Variants in KCTD2 observed in about 807,000 individuals in gnomAD.
KCTD2 encodes potassium channel tetramerization domain containing 2.
Under a neutral mutation model 27.9 loss-of-function variants are expected in KCTD2, and 18 were observed. The ratio of observed to expected loss-of-function variants is 0.64; its 90% CI spans 0.45 to 0.96. The LOEUF is 0.96. KCTD2 is among the 40% of genes least tolerant of loss of function. The pLI is 0.00. For synonymous variants in KCTD2, 175 were observed against 148.4 expected, an observed-to-expected ratio of 1.18 and a Z score of -1.30; for missense variants, 280 against 348.0, an observed-to-expected ratio of 0.80 and a Z score of 1.56.
chr17:75,039,764 C>A, intron 3 of KCTD2: 1 of 325,090 alleles, frequency 3.1e-6, no homozygotes. Flanking sequence ...ATTTAAAGAA[C>A]ACCATTTGAT....
upstream of KCTD2, chr17:75,042,777 G>A: frequency 9.2e-7 from 1 of 1,084,558 alleles, no homozygotes; most frequent in Non-Finnish European, 1.3e-6. Flanking sequence ...TTAGAAACAT[G>A]CAAGTCTTCA....
intron 3 of KCTD2, 38 bp from the exon 4 acceptor site, chr17:75,059,472 C>T (rs749032087): frequency 2.0e-6 from 3 of 1,470,894 alleles, no homozygotes; most frequent in African/African-American, 2.8e-5. Context: ...ACTGTGGTGT[C>T]CTTGGTGCTG....
At chr17:75,054,144 A>G (rs933825451) in intron 3 of KCTD2, among the ~76,000 whole-genome samples, 1 of 151,242 alleles carries the variant, frequency 6.6e-6, no homozygotes, top group Non-Finnish European at 1.5e-5. Flanking sequence ...CAGCCTACCG[A>G]GTAGCTGGGA....
chr17:75,040,246 G>A (rs898058872), intron 3 of KCTD2: 2 of 1,527,386 alleles, frequency 1.3e-6, no homozygotes, highest in African/African-American at 1.4e-5. Flanking sequence ...ACACCCAGGA[G>A]CTCAAAGGGC....
chr17:75,044,960 A>C (rs1466681), upstream of KCTD2, among the ~76,000 whole-genome samples: 20,169 of 152,212 alleles, frequency 0.13, 2,050 homozygotes, highest in East Asian at 0.57. Flanking sequence ...TAAAGTTACC[A>C]GGGAACCAAG....
At chr17:75,051,264 C>T (rs1345640051) in intron 2 of KCTD2, among the ~76,000 whole-genome samples, 2 of 147,896 alleles carry the variant, frequency 1.4e-5, no homozygotes, top group East Asian at 2.1e-4. Context: ...AGACATGAGC[C>T]ACCGCGCCCG....
chr17:75,055,780 C>T lies in KCTD2; in HGVS notation c.540+2675C>T, dbSNP rs1043083027. 4.0e-5 allele frequency among the ~76,000 whole-genome samples: 6 copies of T among 148,822 alleles called. No individual in the cohort carries two copies. The East Asian group carries it at 7.9e-4, about 20-fold the overall frequency. ...CCGGGAGGAGGAGGTTGTGGTGAGC[C>T]GAGATCACGCCATTGCACTCCAGCC... On this transcript the variant is annotated intron_variant, in intron 3 of 5. Transcript: ENST00000322444.
In KCTD2 at chr17:75,062,234, G is replaced by A. The variant is rs372096724; in HGVS notation, c.751G>A (p.Glu251Lys). 21 of 1,612,112 alleles carry A rather than the reference G, an allele frequency of 1.3e-5. No individual in the cohort carries two copies. The highest frequency in any genetic ancestry group is 4.0e-5 in the African/African-American group (3 of 74,808). ...STNGIVIEPS[E>K]KAKILQERGS... is the part of the protein sequence containing the mutation. Reference sequence around the variant, plus strand: ...CAATGGCATCGTCATAGAGCCGAGCGAAAAGGCGAAGGTAAGGAGCCCCTT... The same window carrying A: ...CAATGGCATCGTCATAGAGCCGAGCAAAAAGGCGAAGGTAAGGAGCCCCTT... The change falls in exon 5 of 6, where the codon GAA becomes AAA. Residue 251 changes from glutamate (E) to lysine (K), a missense_variant. Transcript: ENST00000322444.
chr17:75,054,490 A>G (rs1447281931), intron 3 of KCTD2, among the ~76,000 whole-genome samples: 3 of 152,140 alleles, frequency 2.0e-5, no homozygotes, highest in Non-Finnish European at 2.9e-5. Context: ...TCTGTAAGTA[A>G]TTGAAAGTCC....
At chr17:75,048,758 G>A (rs2073254807) in intron 1 of KCTD2, 1 of 153,856 alleles carries the variant, frequency 6.5e-6, no homozygotes, top group African/African-American at 2.4e-5. Context: ...TTGAGCTCAG[G>A]AGCATTGCCA....
chr17:75,060,664 C>A (rs932324486), intron 4 of KCTD2: 2 of 1,495,422 alleles, frequency 1.3e-6, no homozygotes, highest in East Asian at 2.5e-5. Flanking sequence ...GGAGGGCGCG[C>A]GTGCGAGGGC....
intron 3 of KCTD2, among the ~76,000 whole-genome samples, chr17:75,038,203 C>T (rs1049598958): frequency 2.6e-5 from 4 of 152,016 alleles, no homozygotes; most frequent in East Asian, 1.9e-4. Flanking sequence ...TCACTGCAAC[C>T]TCTGCCTCCC....
chr17:75,042,234 A>C, upstream of KCTD2: 1 of 1,614,242 alleles, frequency 6.2e-7, no homozygotes, highest in Non-Finnish European at 8.5e-7. Context: ...GCCTTGTAGT[A>C]AGCCCAGTCG....
At chr17:75,040,835 G>C (rs2073152202) in intron 3 of KCTD2, 1 of 150,922 alleles carries the variant, frequency 6.6e-6, no homozygotes, top group African/African-American at 2.4e-5. Flanking sequence ...GCAGTGAGCT[G>C]AGATGGCCCC....
intron 3 of KCTD2, chr17:75,039,039 G>A (rs1224974508): frequency 6.2e-7 from 1 of 1,613,992 alleles, no homozygotes; most frequent in Non-Finnish European, 8.5e-7. Context: ...TGATCAAATG[G>A]AATTAAGTTC....
intron 3 of KCTD2, chr17:75,039,851 C>T (rs559243791): frequency 3.8e-6 from 2 of 521,430 alleles, no homozygotes; most frequent in Non-Finnish European, 6.8e-6. Context: ...TGTAGACAAA[C>T]TACATTTTCT....
rs890603776 is a variant in KCTD2, at chr17:75,040,194, C to T, written c.-259+4837C>T. ...AACACAAGGGCACGGGAACCTTCAG[C>T]GCATTAAACTACAAACACAAGGACA... On this transcript the variant is annotated intron_variant, in intron 3 of 7. Transcript: ENST00000581589. The T allele has an allele frequency of 4.3e-6, 7 of 1,611,500 alleles. No homozygotes were observed. The African/African-American group carries it at 5.4e-5, about 12-fold the overall frequency.
intron 3 of KCTD2, among the ~76,000 whole-genome samples, chr17:75,035,729 C>A (rs1307341061): frequency 2.0e-5 from 3 of 152,082 alleles, no homozygotes; most frequent in East Asian, 1.9e-4. Flanking sequence ...ACTCAGGAGG[C>A]GGAGGCAGCA....
chr17:75,035,078 C>G (rs1207334118), intron 2 of KCTD2, among the ~76,000 whole-genome samples: 2 of 152,056 alleles, frequency 1.3e-5, no homozygotes, highest in African/African-American at 4.8e-5. Flanking sequence ...TAATGGCCAT[C>G]AAATTGGCCT....
Sources: gnomAD v4.1 joint callset for allele counts (sites outside exome capture counted in the v4.1 genomes callset) on GRCh38, gnomAD v4.1.1 for gene constraint, MANE v1.5 for transcripts, NCBI Gene and HGNC (gene_info 2026-07-23, HGNC 2026-07-21) for gene names.